Variants in GPX5 observed in about 807,000 individuals in gnomAD.
GPX5 encodes the protein glutathione peroxidase 5, also known as epididymal secretory glutathione peroxidase.
GPX5 carries 20 observed loss-of-function variants against 23.8 expected under a neutral mutation model. That is an observed-to-expected ratio of 0.84 (90% CI 0.59 to 1.22). GPX5 has a LOEUF of 1.22. Among genes scored for constraint, GPX5 ranks in the 50% most tolerant of loss-of-function variants. The probability of loss-of-function intolerance (pLI) is 0.00; values close to 1 mark genes in which losing one functional copy is unlikely to be tolerated. For missense variants in GPX5, 230 were observed against 266.6 expected (o/e 0.86, Z 0.96); for synonymous variants, 92 against 99.5 (o/e 0.92, Z 0.45).
rs888170908 is a variant in GPX5 at position 28,529,702 on chromosome 6, C to G, written c.241+98C>G. Reference sequence around the variant, plus strand: ...ATTATATTTTAATTATAATTATGTACCAAAATAAATACTCATAATCAAGTG... The same window carrying G: ...ATTATATTTTAATTATAATTATGTAGCAAAATAAATACTCATAATCAAGTG... On this transcript the variant is annotated intron_variant, in intron 2 of 4. Transcript: ENST00000412168. 24 of 953,584 alleles carry G rather than the reference C, an allele frequency of 2.5e-5. No homozygotes were observed. The African/African-American group carries it at 3.4e-4, about 13-fold the overall frequency. The allele number at this position is 953,584 out of a possible 1,614,324, so 59.1% of individuals were successfully genotyped here.
Position 28,534,102 on chromosome 6 carries a change from CG to C in GPX5, c.604del (p.Ala202LeufsTer14). On this transcript the variant is annotated frameshift_variant, in exon 5 of 5. Coordinates refer to ENST00000412168, the MANE Select transcript of GPX5 (RefSeq NM_001509.3). LOFTEE classifies it high-confidence loss of function. The part of the protein sequence containing the change: ...DGIPVMRWSH[R>X]ATVSSVKTDI... Reference sequence around the variant, plus strand: ...AATCCCTGTCATGCGCTGGTCCCACCGGGCTACGGTCAGCTCAGTCAAGACA... The same window carrying C: ...AATCCCTGTCATGCGCTGGTCCCACCGGCTACGGTCAGCTCAGTCAAGACA... The C allele has an allele frequency of 6.2e-7, 1 of 1,611,376 alleles. No homozygotes were observed. Among genetic ancestry groups the C allele is most frequent in the Non-Finnish European group, 8.5e-7 (1 of 1,178,980 alleles).
chr6:28,534,400 A>G lies in GPX5; in HGVS notation c.*233A>G, dbSNP rs1757710324. On this transcript the variant is annotated 3_prime_UTR_variant, in exon 5 of 5. Coordinates refer to ENST00000412168, the MANE Select transcript of GPX5 (RefSeq NM_001509.3). ...CAAGAGTATGTGGGTGAAGACTGAAACAAATGGAAACCTAAAATCCCCAGA... is the reference window on the plus strand; with the variant it reads ...CAAGAGTATGTGGGTGAAGACTGAAGCAAATGGAAACCTAAAATCCCCAGA... 2.5e-6 allele frequency: 1 copy of G among 407,726 alleles called. No homozygotes were observed. Among genetic ancestry groups the G allele is most frequent in the Non-Finnish European group, 4.3e-6 (1 of 231,238 alleles). 25.3% of individuals were successfully genotyped at this position (407,726 alleles called of 1,614,324 possible).
In GPX5 at chr6:28,526,145, A is replaced by G. The variant is rs558224544; in HGVS notation, c.87+45A>G. On this transcript the variant is annotated intron_variant, in intron 1 of 4. Coordinates refer to ENST00000412168, the MANE Select transcript of GPX5 (RefSeq NM_001509.3). ...GGCATGGTAGTTACTCTTCTGTCCT[A>G]CTTCTAGACCCTGCCCTCCACTCCT... 2.2e-6 allele frequency: 3 copies of G among 1,388,692 alleles called. No individual in the cohort carries two copies. In the South Asian group the frequency reaches 3.5e-5, roughly 16 times the overall value. 86.0% of individuals were successfully genotyped at this position (1,388,692 alleles called of 1,614,324 possible).
chr6:28,530,808 G>T (rs549152153), intron 2 of GPX5, among the ~76,000 whole-genome samples: 1 of 152,192 alleles, frequency 6.6e-6, no homozygotes, highest in East Asian at 1.9e-4. Context: ...AAACAGGAAG[G>T]CAATCTCTGT....
At chr6:28,533,019 G>T (rs418898) in intron 4 of GPX5, among the ~76,000 whole-genome samples, 8,815 of 152,186 alleles carry the variant, frequency 0.058, 648 homozygotes, top group African/African-American at 0.18. Context: ...TACTCGGGAG[G>T]CTGAGGCCAG....
chr6:28,531,872 CAAAG>C lies in GPX5; in HGVS notation c.338_341del (p.Lys113ArgfsTer27). On this transcript the variant is annotated frameshift_variant, in exon 3 of 5. Coordinates refer to ENST00000412168, the MANE Select transcript of GPX5 (RefSeq NM_001509.3). LOFTEE classifies it high-confidence loss of function. The stretch of plus-strand genomic sequence containing the variant: ...TTGGAAAGCAAGAACCAGGAGATAA[CAAAG>C]AGATTCTTCCTGGGCTCAAGTACGT... 1 of 1,613,240 alleles carries C rather than the reference CAAAG, an allele frequency of 6.2e-7. No individual in the cohort carries two copies. Among genetic ancestry groups the C allele is most frequent in the Non-Finnish European group, 8.5e-7 (1 of 1,179,254 alleles).
chr6:28,531,813 G>T lies in GPX5; in HGVS notation c.277G>T (p.Gly93Cys). Residue 93 changes from glycine (G) to cysteine (C), a missense_variant, in exon 3 of 5, where the codon GGT becomes TGT. Physicochemically the swap from Gly to Cys is radical, Grantham distance 159 (BLOSUM62 -3). Coordinates refer to ENST00000412168, the MANE Select transcript of GPX5 (RefSeq NM_001509.3). ...ACTCCAGGAGGAGCTGAAGCCCTAT[G>T]GTCTAGTTGTGTTGGGCTTTCCCTG... ...NALQEELKPYGLVVLGFPCNQ... is the reference protein window; with the variant it reads ...NALQEELKPYCLVVLGFPCNQ... The T allele has an allele frequency of 6.2e-7, 1 of 1,613,540 alleles. No individual in the cohort carries two copies. Among genetic ancestry groups the T allele is most frequent in the African/African-American group, 1.3e-5 (1 of 74,972 alleles).
At chr6:28,529,715 T>C (rs900098748) in intron 2 of GPX5, 111 bp downstream of exon 2, 1 of 902,668 alleles carries the variant, frequency 1.1e-6, no homozygotes, top group Non-Finnish European at 1.6e-6. Flanking sequence ...AAATAAATAC[T>C]CATAATCAAG....
In GPX5 at chr6:28,529,562, G is replaced by A. The variant is rs115051243; in HGVS notation, c.199G>A (p.Val67Ile). ...KQYVGKHILF[V>I]NVATYCGLTA... Reference sequence around the variant, plus strand: ...GTATGTGGGCAAGCACATCCTCTTCGTCAACGTGGCCACCTACTGTGGTCT... The same window carrying A: ...GTATGTGGGCAAGCACATCCTCTTCATCAACGTGGCCACCTACTGTGGTCT... The change falls in exon 2 of 5, where the codon GTC (valine) becomes ATC (isoleucine). Residue 67 changes from valine to isoleucine, a missense_variant. Physicochemically the swap from Val to Ile is conservative, Grantham distance 29. Coordinates refer to ENST00000412168, the MANE Select transcript of GPX5 (RefSeq NM_001509.3). The A allele has an allele frequency of 5.0e-3, 8,098 of 1,612,262 alleles. 37 individuals are homozygous for A. Among genetic ancestry groups the A allele is most frequent in the Middle Eastern group, 0.01 (62 of 6,058 alleles).
At position 28,534,111 on chromosome 6, in the gene GPX5, G is replaced by T; in HGVS notation, c.610G>T (p.Val204Phe). Residue 204 changes from valine (V) to phenylalanine (F), a missense_variant, in exon 5 of 5, where the codon GTC (valine) becomes TTC (phenylalanine). Transcript: ENST00000412168. ...PVMRWSHRAT[V>F]SSVKTDILAY... ...CATGCGCTGGTCCCACCGGGCTACGGTCAGCTCAGTCAAGACAGACATCCT... is the reference window on the plus strand; with the variant it reads ...CATGCGCTGGTCCCACCGGGCTACGTTCAGCTCAGTCAAGACAGACATCCT... The T allele has an allele frequency of 6.2e-7, 1 of 1,609,670 alleles. No individual in the cohort carries two copies. Among genetic ancestry groups the T allele is most frequent in the Non-Finnish European group, 8.5e-7 (1 of 1,178,308 alleles).
chr6:28,533,270 A>T (rs971178762), intron 4 of GPX5, among the ~76,000 whole-genome samples: 9 of 152,260 alleles, frequency 5.9e-5, no homozygotes, highest in African/African-American at 2.2e-4. Context: ...TAAATGCTGG[A>T]CTGTGAACCA....
At position 28,534,390 on chromosome 6, in the gene GPX5, G is replaced by A. The variant is rs1429087752; in HGVS notation, c.*223G>A. On this transcript the variant is annotated 3_prime_UTR_variant, in exon 5 of 5. Coordinates refer to ENST00000412168, the MANE Select transcript of GPX5 (RefSeq NM_001509.3). ...TTTTGCCTCTCAAGAGTATGTGGGT[G>A]AAGACTGAAACAAATGGAAACCTAA... The A allele has an allele frequency of 4.8e-6, 2 of 420,254 alleles. No individual in the cohort carries two copies. Among genetic ancestry groups the A allele is most frequent in the Admixed American group, 8.1e-5 (2 of 24,744 alleles). The allele number at this position is 420,254 out of a possible 1,614,324, so 26.0% of individuals were successfully genotyped here.
rs1763271180 is a variant in GPX5 at position 28,529,464 on chromosome 6, A to G, written c.101A>G (p.Lys34Arg). 1.2e-6 allele frequency: 2 copies of G among 1,607,478 alleles called. No individual in the cohort carries two copies. The highest frequency in any genetic ancestry group is 1.7e-6 in the Non-Finnish European group (2 of 1,176,862). Residue 34 changes from lysine (K) to arginine (R), a missense_variant, in exon 2 of 5, where the codon AAA (lysine) becomes AGA (arginine). By Grantham distance (26) the Lys-to-Arg change is conservative. Coordinates refer to ENST00000412168, the MANE Select transcript of GPX5 (RefSeq NM_001509.3). ...AAAATCTTCCAGATGGATTGCCACA[A>G]AGACGAGAAAGGCACCATCTATGAC... is the stretch of plus-strand genomic sequence containing the variant. ...KQEKMKMDCH[K>R]DEKGTIYDYE...
chr6:28,528,311 G>C (rs1763244604), intron 1 of GPX5: 1 of 152,130 alleles, frequency 6.6e-6, no homozygotes, highest in Admixed American at 6.6e-5. Context: ...GTTCTAGTAA[G>C]AATCTAGATA....
intron 1 of GPX5, chr6:28,527,947 A>C (rs1763240049): frequency 6.6e-6 from 1 of 152,234 alleles, no homozygotes; most frequent in Non-Finnish European, 1.5e-5. Flanking sequence ...AGGCAGGGCT[A>C]ATTTATATTA....
rs188039532 is a variant in GPX5 at position 28,526,278 on chromosome 6, G to A, written c.87+178G>A. 9.9e-5 allele frequency among the ~76,000 whole-genome samples: 15 copies of A among 152,012 alleles called. No homozygotes were observed. In the East Asian group the frequency reaches 1.4e-3, roughly 14 times the overall value. ...ATTCCTATGGATGGGTATTCCTTGC[G>A]TTGAATATGACTAGGGAAGAAAGGG... is the stretch of plus-strand genomic sequence containing the variant. On this transcript the variant is annotated intron_variant, in intron 1 of 4. Coordinates refer to ENST00000412168, the MANE Select transcript of GPX5 (RefSeq NM_001509.3).
intron 3 of GPX5, 88 bp from the exon 4 acceptor site, chr6:28,532,233 C>G (rs1763338752): frequency 1.2e-6 from 1 of 819,266 alleles, no homozygotes; most frequent in South Asian, 1.8e-5. Flanking sequence ...TCTTTCTCCC[C>G]TTTCTCATGA....
chr6:28,528,839 A>G (rs1319602392), intron 1 of GPX5, among the ~76,000 whole-genome samples: 32 of 1,248 alleles, frequency 0.026, 1 homozygote, highest in South Asian at 0.21. Flanking sequence ...ATATATATAT[A>G]TATATATATA....
intron 4 of GPX5, among the ~76,000 whole-genome samples, chr6:28,533,679 G>A (rs1385077868): frequency 6.6e-6 from 1 of 152,120 alleles, no homozygotes; most frequent in African/African-American, 2.4e-5. Flanking sequence ...TTGAAGAAAA[G>A]GAAACCAAAA....
Sources: gnomAD v4.1 joint callset for allele counts (sites outside exome capture counted in the v4.1 genomes callset) on GRCh38, gnomAD v4.1.1 for gene constraint, MANE v1.5 for transcripts, NCBI Gene and HGNC (gene_info 2026-07-23, HGNC 2026-07-21) for gene names.